The following RREB1 variants were observed in gnomAD, a reference collection of about 807,000 sequenced individuals.
RREB1 encodes the protein ras-responsive element-binding protein 1.
In RREB1, 27 loss-of-function variants were observed where a neutral mutation model predicts 117.8. The observed-to-expected ratio is 0.23, with a 90% CI of 0.17 to 0.32. The LOEUF (loss-of-function observed/expected upper bound fraction) is 0.32. Ranked by LOEUF, RREB1 falls within the 10% of genes least tolerant of loss-of-function variation. The probability of loss-of-function intolerance (pLI) is 1.00; values close to 1 mark genes in which losing one functional copy is unlikely to be tolerated. For missense variants in RREB1, 2,577 were observed against 2,378.2 expected (o/e 1.08, Z -1.74); for synonymous variants, 1,298 against 1,026.7 (o/e 1.26, Z -5.05).
chr6:7,126,075 C>G (rs1334459724), intron 1 of RREB1, among the ~76,000 whole-genome samples: 1 of 152,180 alleles, frequency 6.6e-6, no homozygotes, highest in Admixed American at 6.5e-5. Context: ...GATCTCGGCT[C>G]ACTGCAACCT....
chr6:7,179,666 G>A (rs1404643455), intron 2 of RREB1, among the ~76,000 whole-genome samples: 1 of 152,132 alleles, frequency 6.6e-6, no homozygotes, highest in Non-Finnish European at 1.5e-5. Flanking sequence ...TCTCTTTTTA[G>A]TAGTCCATTA....
chr6:7,183,502 T>C (rs1029734032), intron 4 of RREB1: 1 of 152,082 alleles, frequency 6.6e-6, no homozygotes, highest in African/African-American at 2.4e-5. Context: ...ACAAGTGAAG[T>C]GATAGGAAGA....
chr6:7,174,658 G>C (rs1764412847), intron 1 of RREB1, among the ~76,000 whole-genome samples: 1 of 152,116 alleles, frequency 6.6e-6, no homozygotes, highest in African/African-American at 2.4e-5. Context: ...GTCCAGGCTG[G>C]AGTGCAGAGG....
intron 1 of RREB1, among the ~76,000 whole-genome samples, chr6:7,166,827 T>A (rs1763952859): frequency 6.6e-6 from 1 of 152,188 alleles, no homozygotes; most frequent in Non-Finnish European, 1.5e-5. Flanking sequence ...AAGTGGAGAA[T>A]CCCGTTGCTG....
Position 7,246,558 on chromosome 6 carries a change from A to G in RREB1, c.4108A>G (p.Thr1370Ala), listed in dbSNP as rs370441334. ...AGGGGATGCGCCTGTGGAGCAGGCCACGGCGGAAACGGCCTCGCCGGTGCA... is the reference window on the plus strand; with the variant it reads ...AGGGGATGCGCCTGTGGAGCAGGCCGCGGCGGAAACGGCCTCGCCGGTGCA... ...VAGDAPVEQA[T>A]AETASPVHRE... The change falls in exon 12 of 13, where the codon ACG (threonine) becomes GCG (alanine). Residue 1370 changes from threonine (T) to alanine (A), a missense_variant. Transcript: ENST00000379938. 1 of 1,548,410 alleles carries G rather than the reference A, an allele frequency of 6.5e-7. No individual in the cohort carries two copies. Among genetic ancestry groups the G allele is most frequent in the Non-Finnish European group, 8.7e-7 (1 of 1,146,716 alleles).
At chr6:7,227,203 C>T (rs1366074717) in intron 9 of RREB1, among the ~76,000 whole-genome samples, 1 of 152,082 alleles carries the variant, frequency 6.6e-6, no homozygotes, top group Non-Finnish European at 1.5e-5. Context: ...GATCGTGCCA[C>T]TGCACTCCAG....
chr6:7,200,482 G>A (rs565226342), intron 6 of RREB1, among the ~76,000 whole-genome samples: 3 of 151,832 alleles, frequency 2.0e-5, no homozygotes, highest in South Asian at 2.1e-4. Flanking sequence ...TTGGCCAGGC[G>A]GGTCTCAAAC....
At position 7,240,753 on chromosome 6, in the gene RREB1, G is replaced by A. The variant is rs921007649; in HGVS notation, c.3973+151G>A. On this transcript the variant is annotated intron_variant, in intron 11 of 12. Transcript: ENST00000379938. ...CCACAGCCTGTTAATAGAAAGGCAG[G>A]CCCTGCTGATGATTGGGAGGGAGTA... 18 of 643,856 alleles carry A rather than the reference G, an allele frequency of 2.8e-5. No individual in the cohort carries two copies. In the South Asian group the frequency reaches 4.4e-4, roughly 16 times the overall value. 39.9% of individuals were successfully genotyped at this position (643,856 alleles called of 1,614,324 possible).
intron 1 of RREB1, among the ~76,000 whole-genome samples, chr6:7,166,751 G>A (rs985204524): frequency 5.9e-5 from 9 of 152,078 alleles, no homozygotes; most frequent in African/African-American, 9.7e-5. Flanking sequence ...CTGGGAATTC[G>A]AAGCCCAGAT....
chr6:7,119,050 A>G (rs1761544917), intron 1 of RREB1, among the ~76,000 whole-genome samples: 1 of 152,050 alleles, frequency 6.6e-6, no homozygotes, highest in Non-Finnish European at 1.5e-5. Context: ...CACCAAGTTT[A>G]CTGGTATGGG....
At chr6:7,175,445 A>T (rs1156281489) in intron 1 of RREB1, among the ~76,000 whole-genome samples, 1 of 152,122 alleles carries the variant, frequency 6.6e-6, no homozygotes, top group Non-Finnish European at 1.5e-5. Flanking sequence ...CCTGTGGGTT[A>T]GTCCTGAGGT....
At chr6:7,166,853 G>A (rs924193502) in intron 1 of RREB1, among the ~76,000 whole-genome samples, 2 of 152,156 alleles carry the variant, frequency 1.3e-5, no homozygotes, top group Non-Finnish European at 2.9e-5. Flanking sequence ...CCCTTTCCCT[G>A]AGCATGTCAG....
At chr6:7,247,815 A>C (rs993741153) in intron 12 of RREB1, among the ~76,000 whole-genome samples, 2 of 152,192 alleles carry the variant, frequency 1.3e-5, no homozygotes, top group Admixed American at 1.3e-4. Flanking sequence ...TTACTTTGAC[A>C]CAAAGACCTG....
chr6:7,182,453 A>G (rs1278205742), intron 4 of RREB1, among the ~76,000 whole-genome samples: 1 of 152,194 alleles, frequency 6.6e-6, no homozygotes, highest in Non-Finnish European at 1.5e-5. Flanking sequence ...TAGGTAGCAA[A>G]TAAGTATTGC....
intron 8 of RREB1, chr6:7,216,501 G>A (rs1766907804): frequency 6.6e-6 from 1 of 152,218 alleles, no homozygotes; most frequent in Non-Finnish European, 1.5e-5. Flanking sequence ...GAGTAGTGAG[G>A]GCAGCTGAGA....
intron 1 of RREB1, among the ~76,000 whole-genome samples, chr6:7,155,757 A>G (rs894838349): frequency 6.6e-6 from 1 of 152,260 alleles, no homozygotes; most frequent in Non-Finnish European, 1.5e-5. Context: ...GGATTTTCCA[A>G]GTGACATTAA....
intron 4 of RREB1, 156 bp downstream of exon 4, chr6:7,182,238 T>C (rs1353628393): frequency 1.6e-6 from 1 of 631,504 alleles, no homozygotes; most frequent in Non-Finnish European, 2.7e-6. Flanking sequence ...AAAATTTTTA[T>C]GGCTTATGTT....
chr6:7,210,709 A>T, intron 6 of RREB1, 95 bp from the exon 7 acceptor site: 1 of 1,124,920 alleles, frequency 8.9e-7, no homozygotes, highest in East Asian at 2.5e-5. Flanking sequence ...AACTAAAGAA[A>T]ATTTAAGTAC....
At chr6:7,172,303 A>G (rs1441106433) in intron 1 of RREB1, among the ~76,000 whole-genome samples, 1 of 151,858 alleles carries the variant, frequency 6.6e-6, no homozygotes, top group Non-Finnish European at 1.5e-5. Flanking sequence ...AAGATACCCA[A>G]AGAGGAGGCC....
Sources: allele counts gnomAD v4.1 joint callset (sites outside exome capture counted in the v4.1 genomes callset), GRCh38; gene constraint gnomAD v4.1.1; transcripts MANE v1.5; gene names NCBI Gene and HGNC (gene_info 2026-07-23, HGNC 2026-07-21).